PCDHA5: variants seen among roughly 807,000 people sequenced by gnomAD.
PCDHA5 encodes the protein protocadherin alpha-5.
In PCDHA5, 43 loss-of-function variants were observed where a neutral mutation model predicts 61.6. The observed-to-expected ratio is 0.70, with a 90% confidence interval of 0.55 to 0.90. The LOEUF is 0.90. Ranked by LOEUF, PCDHA5 falls within the 40% of genes least tolerant of loss-of-function variation. The pLI, the probability that PCDHA5 is intolerant of heterozygous loss-of-function variation, is 0.00. For synonymous variants in PCDHA5, 627 were observed against 543.9 expected, an observed-to-expected ratio of 1.15 and a Z score of -2.13; for missense variants, 1,298 against 1,222.7, an observed-to-expected ratio of 1.06 and a Z score of -0.92.
intron 1 of PCDHA5, among the ~76,000 whole-genome samples, chr5:140,889,313 T>G (rs1554183863): frequency 6.6e-6 from 1 of 152,078 alleles, no homozygotes; most frequent in Non-Finnish European, 1.5e-5. Flanking sequence ...ACTGTTGAAG[T>G]TATCTGTATC....
intron 1 of PCDHA5, chr5:140,857,825 G>C: frequency 6.3e-7 from 1 of 1,597,886 alleles, no homozygotes; most frequent in Middle Eastern, 1.7e-4. Context: ...GGTGGCTAAG[G>C]TGCGCGCAGT....
At chr5:140,960,068 T>C (rs144291604) in intron 1 of PCDHA5, among the ~76,000 whole-genome samples, 1 of 152,358 alleles carries the variant, frequency 6.6e-6, no homozygotes, top group African/African-American at 2.4e-5. Flanking sequence ...GAAGATTCAA[T>C]TGAAGTTTCT....
intron 1 of PCDHA5, among the ~76,000 whole-genome samples, chr5:140,970,659 T>C (rs1243959173): frequency 4.6e-5 from 7 of 152,238 alleles, no homozygotes; most frequent in Non-Finnish European, 2.9e-5. Context: ...AATTGTTATC[T>C]TTCCAAATAA....
chr5:140,851,914 A>C (rs1213624827), intron 1 of PCDHA5: 2 of 969,578 alleles, frequency 2.1e-6, no homozygotes, highest in East Asian at 2.3e-4. Context: ...ATGTCACTAC[A>C]TGTTATGTTT....
chr5:140,926,805 G>T (rs1383202456), intron 1 of PCDHA5: 3 of 1,452,468 alleles, frequency 2.1e-6, no homozygotes, highest in East Asian at 5.0e-5. Flanking sequence ...GCTCTTCCCC[G>T]CGGCTCGTGC....
At chr5:140,967,120 G>C in intron 1 of PCDHA5, 1 of 1,612,860 alleles carries the variant, frequency 6.2e-7, no homozygotes, top group East Asian at 2.2e-5. Flanking sequence ...CTCGCTGCCT[G>C]CTCAGCTTGG....
At chr5:140,962,947 A>T (rs2153733915) in intron 1 of PCDHA5, among the ~76,000 whole-genome samples, 2 of 152,320 alleles carry the variant, frequency 1.3e-5, no homozygotes, top group Admixed American at 1.3e-4. Context: ...TCCATAAGAT[A>T]TGCTCTATCC....
Position 140,822,473 on chromosome 5 carries a change from A to G in PCDHA5, c.698A>G (p.Asp233Gly). The change falls in exon 1 of 4, where the codon GAT becomes GGT. Residue 233 changes from aspartate to glycine, a missense_variant. Coordinates refer to ENST00000529859, the MANE Select transcript of PCDHA5 (RefSeq NM_018908.3). ...GTVQLLINVL[D>G]ANDNAPEFDK... ...GTTCAGTTGTTGATCAATGTATTGG[A>G]TGCTAATGATAACGCCCCAGAATTT... The G allele has an allele frequency of 1.2e-6, 2 of 1,613,830 alleles. No individual in the cohort carries two copies. Among genetic ancestry groups the G allele is most frequent in the Non-Finnish European group, 1.7e-6 (2 of 1,179,886 alleles).
intron 1 of PCDHA5, among the ~76,000 whole-genome samples, chr5:140,935,795 C>T (rs1366379710): frequency 2.0e-5 from 3 of 151,764 alleles, no homozygotes; most frequent in Admixed American, 6.6e-5. Flanking sequence ...AAAATATAAA[C>T]GAGATTATTT....
chr5:140,829,407 C>G (rs1357066039), intron 1 of PCDHA5: 1 of 1,614,022 alleles, frequency 6.2e-7, no homozygotes, highest in Non-Finnish European at 8.5e-7. Flanking sequence ...TGGGCCACCG[C>G]CAGCTTGTCT....
intron 1 of PCDHA5, among the ~76,000 whole-genome samples, chr5:140,942,621 A>T (rs1038877515): frequency 1.5e-3 from 44 of 29,368 alleles, no homozygotes; most frequent in African/African-American, 6.9e-3. Flanking sequence ...GCCAATTGTA[A>T]AAAAAAAAAT....
At chr5:140,881,918 A>G (rs1263343700) in intron 1 of PCDHA5, 3 of 252,356 alleles carry the variant, frequency 1.2e-5, no homozygotes, top group Non-Finnish European at 2.3e-5. Flanking sequence ...TGTTGAGCAG[A>G]ATGCAGTGAT....
In PCDHA5 at chr5:141,011,894, T is replaced by G. The variant is rs1303053966; in HGVS notation, c.*1957T>G. 6.5e-6 allele frequency: 1 copy of G among 153,306 alleles called. No homozygotes were observed. The highest frequency in any genetic ancestry group is 1.5e-5 in the Non-Finnish European group (1 of 68,044). The allele number at this position is 153,306 out of a possible 1,614,324, so 9.5% of individuals were successfully genotyped here. ...AATTTAGAAGTTTGATTAATTATAT[T>G]ATCTATTTAGGCATTAATATAAAAG... On this transcript the variant is annotated 3_prime_UTR_variant, in exon 4 of 4. Transcript: ENST00000529859.
chr5:140,843,901 A>G lies in PCDHA5; in HGVS notation c.2352+19774A>G. 3 of 653,454 alleles carry G rather than the reference A, an allele frequency of 4.6e-6. 1 individual carries two copies. The highest frequency in any genetic ancestry group is 7.7e-6 in the Non-Finnish European group (3 of 388,320). 40.5% of individuals were successfully genotyped at this position (653,454 alleles called of 1,614,324 possible). A position where few individuals can be genotyped will look rare whatever the true frequency, so the allele number is the denominator to read the frequency against. On this transcript the variant is annotated intron_variant, in intron 1 of 3. Transcript: ENST00000529859. ...CATAATACAGTATTAATCATTCTCC[A>G]CAAGTTGGGTCTATCTTGAAACTCA...
At chr5:140,941,210 TCTTC>T (rs1480454721) in intron 1 of PCDHA5, among the ~76,000 whole-genome samples, 2,917 of 100,514 alleles carry the variant, frequency 0.029, 68 homozygotes, top group South Asian at 0.045. Flanking sequence ...TTCCTTTCTT[TCTTC>T]CTTTCTTTCT....
At chr5:140,840,491 G>T (rs1308203104) in intron 1 of PCDHA5, among the ~76,000 whole-genome samples, 3 of 152,018 alleles carry the variant, frequency 2.0e-5, no homozygotes, top group Non-Finnish European at 2.9e-5. Context: ...GCATAATTCT[G>T]GTAAATACTC....
chr5:140,917,449 C>T (rs1290889939), intron 1 of PCDHA5, among the ~76,000 whole-genome samples: 2 of 152,006 alleles, frequency 1.3e-5, no homozygotes, highest in Admixed American at 6.6e-5. Context: ...GCTGCAAGAG[C>T]GTTTGGCATC....
chr5:140,896,280 G>A (rs940722689), intron 1 of PCDHA5, among the ~76,000 whole-genome samples: 1 of 152,206 alleles, frequency 6.6e-6, no homozygotes, highest in South Asian at 2.1e-4. Flanking sequence ...TTGCTGGCTT[G>A]AATGGTAAGT....
intron 1 of PCDHA5, among the ~76,000 whole-genome samples, chr5:140,886,696 C>T (rs564317930): frequency 2.0e-5 from 3 of 151,944 alleles, no homozygotes; most frequent in Non-Finnish European, 2.9e-5. Flanking sequence ...CATGGTGGCA[C>T]GCGCCTGTAA....
Sources: allele counts gnomAD v4.1 joint callset (sites outside exome capture counted in the v4.1 genomes callset), GRCh38; gene constraint gnomAD v4.1.1; transcripts MANE v1.5; gene names NCBI Gene and HGNC (gene_info 2026-07-23, HGNC 2026-07-21).